LRP1B: variants seen among roughly 807,000 people sequenced by gnomAD.
LRP1B encodes the protein low-density lipoprotein receptor-related protein 1B.
LRP1B carries 217 observed loss-of-function variants against 556.6 expected under a neutral mutation model. The ratio of observed to expected loss-of-function variants is 0.39; its 90% CI spans 0.35 to 0.44. LRP1B has a LOEUF of 0.44. Among genes scored for constraint, LRP1B ranks in the 20% least tolerant of loss-of-function variants. The pLI is 1.00. For synonymous variants in LRP1B, 2,047 were observed against 1,865.8 expected (o/e 1.10, Z -2.50); for missense variants, 5,053 against 5,620.8 (o/e 0.90, Z 3.23).
intron 2 of LRP1B, among the ~76,000 whole-genome samples, chr2:141,704,049 C>G (rs555575086): frequency 1.7e-4 from 26 of 151,924 alleles, no homozygotes; most frequent in Non-Finnish European, 2.5e-4. Context: ...AGTTTAATGG[C>G]AGAAACTCAG....
chr2:140,458,830 A>T (rs1283698785), intron 60 of LRP1B, among the ~76,000 whole-genome samples: 1 of 151,888 alleles, frequency 6.6e-6, no homozygotes, highest in African/African-American at 2.4e-5. Flanking sequence ...AAATTTTTTG[A>T]TTTTTTATTT....
At chr2:140,969,448 T>C (rs1216318474) in intron 18 of LRP1B, among the ~76,000 whole-genome samples, 1 of 128,226 alleles carries the variant, frequency 7.8e-6, no homozygotes, top group East Asian at 2.3e-4. Context: ...GTCTCCTGAA[T>C]ACAGCACACT....
chr2:140,355,750 C>T (rs1682179927), intron 75 of LRP1B, among the ~76,000 whole-genome samples: 2 of 151,966 alleles, frequency 1.3e-5, no homozygotes, highest in African/African-American at 4.8e-5. Flanking sequence ...GTCTGTATTT[C>T]ATGGTTCTAT....
intron 7 of LRP1B, among the ~76,000 whole-genome samples, chr2:141,165,413 C>T (rs891850355): frequency 2.0e-5 from 3 of 151,896 alleles, no homozygotes; most frequent in Non-Finnish European, 4.4e-5. Context: ...CATTAAATAA[C>T]CATATGTATT....
Position 140,485,412 on chromosome 2 carries a change from A to G in LRP1B, c.9356T>C (p.Leu3119Ser), listed in dbSNP as rs1688424946. 6.2e-7 allele frequency: 1 copy of G among 1,613,950 alleles called. No individual in the cohort carries two copies. Among genetic ancestry groups the G allele is most frequent in the Non-Finnish European group, 8.5e-7 (1 of 1,179,868 alleles). Residue 3119 changes from leucine to serine, a missense_variant, in exon 59 of 91, where the codon TTG becomes TCG. This residue lies in a region of LRP1B where 3,619 missense variants were observed against 3,931.9 expected (regional missense o/e 0.92). Coordinates refer to ENST00000389484, the MANE Select transcript of LRP1B (RefSeq NM_018557.3). The stretch of plus-strand genomic sequence containing the variant: ...TTTGCTAACGAGTATAGTAGGGTAC[A>G]AGCCATTGAGTTTGGATACTTCAAT... Reference protein sequence around the residue: ...RIIEVSKLNGLYPTILVSKRL... With the variant: ...RIIEVSKLNGSYPTILVSKRL...
intron 59 of LRP1B, 33 bp from the exon 60 acceptor site, chr2:140,475,370 C>G (rs1456609041): frequency 2.0e-6 from 3 of 1,507,548 alleles, no homozygotes; most frequent in Admixed American, 3.7e-5. Flanking sequence ...ATTTTGTTTA[C>G]AGATTCTCTG....
intron 2 of LRP1B, among the ~76,000 whole-genome samples, chr2:141,585,459 G>A (rs902661700): frequency 6.6e-6 from 1 of 151,132 alleles, no homozygotes; most frequent in Non-Finnish European, 1.5e-5. Context: ...GTGTGTGTGT[G>A]TGTGTGTGTG....
At position 140,514,761 on chromosome 2, in the gene LRP1B, A is replaced by C. The variant is rs1410760842; in HGVS notation, c.8161T>G (p.Ser2721Ala). ...GCGGAACAAGCAAATTGGTTCCAAG[A>C]GCAAGAAGAATCTAGGAAACAAACA... ...RDEFHCDSSC[S>A]WNQFACSAQK... Residue 2721 changes from serine (S) to alanine (A), a missense_variant, in exon 51 of 91, where the codon TCT (serine) becomes GCT (alanine). Physicochemically the swap from Ser to Ala is moderately conservative, Grantham distance 99 (BLOSUM62 1). Transcript: ENST00000389484. 3 of 1,610,198 alleles carry C rather than the reference A, an allele frequency of 1.9e-6. No homozygotes were observed. In the Admixed American group the frequency reaches 5.0e-5, roughly 27 times the overall value.
chr2:140,261,927 T>C (rs1409838000), intron 86 of LRP1B, among the ~76,000 whole-genome samples: 1 of 152,036 alleles, frequency 6.6e-6, no homozygotes, highest in African/African-American at 2.4e-5. Context: ...AAGGTGAATT[T>C]AATACTGGAT....
At chr2:141,682,302 A>C (rs1691133239) in intron 2 of LRP1B, among the ~76,000 whole-genome samples, 1 of 152,066 alleles carries the variant, frequency 6.6e-6, no homozygotes, top group African/African-American at 2.4e-5. Flanking sequence ...GAACAATTTA[A>C]AAAATCAGAG....
At chr2:140,837,946 A>T (rs994339729) in intron 31 of LRP1B, among the ~76,000 whole-genome samples, 25 of 152,010 alleles carry the variant, frequency 1.6e-4, no homozygotes, top group Admixed American at 5.9e-4. Context: ...AGTATAATTA[A>T]AAAAAAATAT....
At chr2:141,770,946 G>T (rs1021360531) in intron 2 of LRP1B, among the ~76,000 whole-genome samples, 1 of 152,174 alleles carries the variant, frequency 6.6e-6, no homozygotes, top group Non-Finnish European at 1.5e-5. Context: ...CTAACCTGAA[G>T]GTCACTGTTG....
intron 31 of LRP1B, among the ~76,000 whole-genome samples, chr2:140,834,181 C>T (rs1691817245): frequency 6.6e-6 from 1 of 152,190 alleles, no homozygotes; most frequent in African/African-American, 2.4e-5. Flanking sequence ...ACCATACCTT[C>T]ATTTGAAAGA....
At chr2:140,870,875 T>C (rs1693108366) in intron 25 of LRP1B, among the ~76,000 whole-genome samples, 1 of 152,254 alleles carries the variant, frequency 6.6e-6, no homozygotes, top group African/African-American at 2.4e-5. Flanking sequence ...TTTAAGAAAA[T>C]GTGAAATGAT....
chr2:141,643,458 A>C (rs922466344), intron 2 of LRP1B, among the ~76,000 whole-genome samples: 2 of 152,192 alleles, frequency 1.3e-5, no homozygotes, highest in African/African-American at 2.4e-5. Flanking sequence ...ACGGAGAGGA[A>C]TATGGAAATT....
chr2:141,832,241 G>T (rs145904663), intron 1 of LRP1B, among the ~76,000 whole-genome samples: 27 of 148,782 alleles, frequency 1.8e-4, no homozygotes, highest in Middle Eastern at 3.5e-3. Flanking sequence ...GTACAATTAC[G>T]GTTTCTTCAA....
chr2:141,805,979 T>C (rs1393151568), intron 2 of LRP1B, among the ~76,000 whole-genome samples: 1 of 152,082 alleles, frequency 6.6e-6, no homozygotes. Context: ...ACTCACTCAA[T>C]GATTCTGTGA....
At chr2:140,660,871 G>GTTT (rs11303525) in intron 41 of LRP1B, among the ~76,000 whole-genome samples, 18 of 142,872 alleles carry the variant, frequency 1.3e-4, no homozygotes, top group Admixed American at 3.5e-4. Flanking sequence ...GTCTTTTTGT[G>GTTT]TTTTTTTTTT....
intron 7 of LRP1B, among the ~76,000 whole-genome samples, chr2:141,078,326 AG>A (rs1699842392): frequency 1.3e-5 from 2 of 151,946 alleles, no homozygotes; most frequent in African/African-American, 4.8e-5. Context: ...TTAAGAAAAA[AG>A]CCCTTCTTTC....
Sources: allele counts gnomAD v4.1 joint callset (sites outside exome capture counted in the v4.1 genomes callset), GRCh38; gene constraint gnomAD v4.1.1; regional missense constraint gnomAD v4.1.1; transcripts MANE v1.5; gene names NCBI Gene and HGNC (gene_info 2026-07-23, HGNC 2026-07-21).